ARMH3: variants seen among roughly 807,000 people sequenced by gnomAD.
ARMH3 encodes the protein armadillo like helical domain containing 3, also known as armadillo-like helical domain-containing protein 3.
Under a neutral mutation model 99.1 loss-of-function variants are expected in ARMH3, and 60 were observed. The ratio of observed to expected loss-of-function variants is 0.61; its 90% CI spans 0.49 to 0.75. The LOEUF is 0.75. ARMH3 is among the 30% of genes least tolerant of loss of function. The pLI, the probability that ARMH3 is intolerant of heterozygous loss-of-function variation, is 0.00. For synonymous variants in ARMH3, 285 were observed against 292.8 expected, an observed-to-expected ratio of 0.97 and a Z score of 0.27; for missense variants, 679 against 843.1, an observed-to-expected ratio of 0.81 and a Z score of 2.41.
chr10:101,909,072 G>A (rs140537715), intron 23 of ARMH3, among the ~76,000 whole-genome samples: 3 of 152,108 alleles, frequency 2.0e-5, no homozygotes, highest in African/African-American at 7.2e-5. Flanking sequence ...GAATTGAGTG[G>A]AAATGCAGAA....
In ARMH3 at chr10:101,935,413, A is replaced by G. The variant is rs115012668; in HGVS notation, c.1781+4450T>C. Among the ~76,000 whole-genome samples the G allele has an allele frequency of 9.1e-3, 1,383 of 152,214 alleles. 18 individuals carry two copies. Among genetic ancestry groups the G allele is most frequent in the African/African-American group, 0.032 (1,314 of 41,510 alleles). ...ACTAAGCCATGAAAGACAAGTGAAA[A>G]GCAAAAAGACTGACACTTGAGCAAA... On this transcript the variant is annotated intron_variant, in intron 23 of 25. Transcript: ENST00000370033.
chr10:102,007,427 T>C (rs2066524573), intron 13 of ARMH3, among the ~76,000 whole-genome samples: 1 of 151,014 alleles, frequency 6.6e-6, no homozygotes, highest in South Asian at 2.1e-4. Flanking sequence ...AGACCTGGGA[T>C]CTCATCAGAT....
chr10:101,857,018 A>G (rs2066751886), intron 24 of ARMH3, among the ~76,000 whole-genome samples: 1 of 152,218 alleles, frequency 6.6e-6, no homozygotes, highest in South Asian at 2.1e-4. Flanking sequence ...TCAAGAAGCA[A>G]GAAGTCTGGA....
intron 24 of ARMH3, among the ~76,000 whole-genome samples, chr10:101,888,671 C>T (rs887078068): frequency 5.9e-5 from 9 of 152,154 alleles, no homozygotes; most frequent in Non-Finnish European, 7.4e-5. Context: ...TACCCTGGCC[C>T]CTCCAATTTG....
intron 18 of ARMH3, among the ~76,000 whole-genome samples, chr10:101,991,303 G>A (rs1239822834): frequency 2.0e-5 from 3 of 152,142 alleles, no homozygotes; most frequent in Non-Finnish European, 4.4e-5. Context: ...ATACTCAGGG[G>A]AAGTTTTGTA....
In ARMH3 at chr10:101,874,556, A is replaced by T. The variant is rs529320127; in HGVS notation, c.1860+14856T>A. Among the ~76,000 whole-genome samples the T allele has an allele frequency of 2.0e-4, 31 of 152,310 alleles. No individual in the cohort carries two copies. The South Asian group carries it at 4.8e-3, about 23-fold the overall frequency. ...AACAACAGTGCCTGGAACTATTCTCAGCTGGGGACTAGCTACAGGAAGGTT... is the reference window on the plus strand; with the variant it reads ...AACAACAGTGCCTGGAACTATTCTCTGCTGGGGACTAGCTACAGGAAGGTT... On this transcript the variant is annotated intron_variant, in intron 24 of 25. Transcript: ENST00000370033.
In ARMH3 at chr10:101,847,386, T is replaced by A. The variant is rs940289170; in HGVS notation, c.*142A>T. On this transcript the variant is annotated 3_prime_UTR_variant, in exon 26 of 26. Transcript: ENST00000370033. ...TCCTGCCCCTGCTGCCCAAGCTCCA[T>A]TGAAGTGCGGTCTTCACCAAGAGAA... The A allele has an allele frequency of 1.3e-6, 1 of 790,364 alleles. No homozygotes were observed. The highest frequency in any genetic ancestry group is 2.1e-6 in the Non-Finnish European group (1 of 474,580). 49.0% of individuals were successfully genotyped at this position (790,364 alleles called of 1,614,324 possible).
At chr10:101,995,677 T>C (rs1382865005) in intron 15 of ARMH3, among the ~76,000 whole-genome samples, 2 of 152,210 alleles carry the variant, frequency 1.3e-5, no homozygotes, top group Non-Finnish European at 2.9e-5. Context: ...CCTTTGCTGA[T>C]AGAACTTGAA....
intron 8 of ARMH3, among the ~76,000 whole-genome samples, chr10:102,015,767 C>T (rs922500247): frequency 3.9e-5 from 6 of 152,058 alleles, no homozygotes; most frequent in African/African-American, 9.7e-5. Flanking sequence ...TTAATTGTGA[C>T]GAATTAGGCA....
At chr10:102,035,171 T>C (rs955017692) in intron 2 of ARMH3, among the ~76,000 whole-genome samples, 1 of 151,916 alleles carries the variant, frequency 6.6e-6, no homozygotes, top group South Asian at 2.1e-4. Context: ...GGTCAGGAGA[T>C]GGAGGCCATC....
chr10:101,972,898 T>C (rs552867603), intron 20 of ARMH3, among the ~76,000 whole-genome samples: 2 of 152,222 alleles, frequency 1.3e-5, no homozygotes, highest in East Asian at 3.9e-4. Context: ...ATGCAATCAG[T>C]CCTGAGAATA....
intron 20 of ARMH3, among the ~76,000 whole-genome samples, chr10:101,960,045 G>A (rs893343564): frequency 3.1e-4 from 47 of 152,272 alleles, no homozygotes; most frequent in African/African-American, 1.1e-3. Context: ...GGGCGTGGCG[G>A]TGTGCGCCTG....
Position 102,023,659 on chromosome 10 carries a change from G to C in ARMH3, c.582+16C>G. ...AGGTGGTTTACCCCAAAGAGAGGAG[G>C]TAACAAGGGACCTACCTGTAAAATT... is the stretch of plus-strand genomic sequence containing the variant. On this transcript the variant is annotated intron_variant, in intron 7 of 25. Coordinates refer to ENST00000370033, the MANE Select transcript of ARMH3 (RefSeq NM_024541.3). 6.2e-7 allele frequency: 1 copy of C among 1,612,320 alleles called. No homozygotes were observed. The highest frequency in any genetic ancestry group is 1.1e-5 in the South Asian group (1 of 91,038).
intron 23 of ARMH3, among the ~76,000 whole-genome samples, chr10:101,912,300 G>GGA (rs1265433427): frequency 4.0e-5 from 6 of 150,028 alleles, no homozygotes; most frequent in African/African-American, 7.4e-5. Flanking sequence ...AGCTAAGGCA[G>GGA]GAGAATCGCT....
In ARMH3 at chr10:101,983,862, T is replaced by C. The variant is rs553691185; in HGVS notation, c.1406+6689A>G. 3.3e-5 allele frequency among the ~76,000 whole-genome samples: 5 copies of C among 152,294 alleles called. No individual in the cohort carries two copies. In the East Asian group the frequency reaches 9.6e-4, roughly 29 times the overall value. On this transcript the variant is annotated intron_variant, in intron 19 of 25. Transcript: ENST00000370033. The stretch of plus-strand genomic sequence containing the variant: ...TCTGTGAGCCACTCTAGCAAATTAA[T>C]CAAACCTAAGGAGGAGGTTGTAGGA...
At chr10:102,039,434 C>T (rs1211872135) in intron 2 of ARMH3, among the ~76,000 whole-genome samples, 3 of 152,204 alleles carry the variant, frequency 2.0e-5, no homozygotes, top group African/African-American at 7.2e-5. Flanking sequence ...GGAGCCACCG[C>T]GCCCAGCCCC....
intron 2 of ARMH3, among the ~76,000 whole-genome samples, chr10:102,038,293 G>A (rs1338320596): frequency 6.6e-6 from 1 of 151,420 alleles, no homozygotes; most frequent in East Asian, 1.9e-4. Context: ...ACAGGGTTTC[G>A]CCATGTTAGC....
chr10:101,870,587 T>C (rs2067110394), intron 24 of ARMH3, among the ~76,000 whole-genome samples: 1 of 152,204 alleles, frequency 6.6e-6, no homozygotes, highest in Non-Finnish European at 1.5e-5. Flanking sequence ...TAATAAAATA[T>C]TGGGTATAAA....
intron 8 of ARMH3, among the ~76,000 whole-genome samples, chr10:102,018,024 A>T (rs1376968936): frequency 1.3e-5 from 2 of 152,194 alleles, no homozygotes; most frequent in Non-Finnish European, 2.9e-5. Context: ...TTCTCTCTCC[A>T]GCTGGCCCAG....
Sources: gnomAD v4.1 joint callset for allele counts (sites outside exome capture counted in the v4.1 genomes callset) on GRCh38, gnomAD v4.1.1 for gene constraint, MANE v1.5 for transcripts, NCBI Gene and HGNC (gene_info 2026-07-23, HGNC 2026-07-21) for gene names.